The following NME9 variants were observed in gnomAD, a reference collection of about 807,000 sequenced individuals.
The protein encoded by NME9 is thioredoxin domain-containing protein 6.
A neutral mutation model predicts 44.4 loss-of-function variants in NME9; 48 were observed. The observed-to-expected ratio is 1.08, with a 90% CI of 0.86 to 1.37. The LOEUF (loss-of-function observed/expected upper bound fraction) is 1.37, where lower values mean the gene tolerates loss of function less well. Ranked by LOEUF, NME9 falls within the 40% of genes most tolerant of loss-of-function variation. NME9 has a pLI of 0.00. For missense variants in NME9, 325 were observed against 405.2 expected (o/e 0.80, Z 1.70); for synonymous variants, 139 against 147.1 (o/e 0.94, Z 0.40).
chr3:138,275,666 G>C (rs928838735), intron 8 of NME9, among the ~76,000 whole-genome samples: 1 of 152,158 alleles, frequency 6.6e-6, no homozygotes, highest in African/African-American at 2.4e-5. Context: ...TAACTTCAGG[G>C]GCTGTGCTTC....
chr3:138,323,373 A>G (rs1418773480), intron 2 of NME9, among the ~76,000 whole-genome samples: 1 of 152,192 alleles, frequency 6.6e-6, no homozygotes, highest in East Asian at 1.9e-4. Context: ...CCAAGATTGC[A>G]TCACTGCACT....
chr3:138,312,410 T>C (rs1363565873), intron 6 of NME9, among the ~76,000 whole-genome samples: 1 of 152,042 alleles, frequency 6.6e-6, no homozygotes, highest in Non-Finnish European at 1.5e-5. Context: ...AATACTAGCA[T>C]AAAAACAGAC....
intron 2 of NME9, 110 bp from the exon 3 acceptor site, chr3:138,319,691 G>C: frequency 1.5e-6 from 1 of 661,592 alleles, no homozygotes; most frequent in Non-Finnish European, 2.8e-6. Flanking sequence ...TTCATTTGCC[G>C]GGATATCTAA....
rs2052235319 is a variant in NME9, at chr3:138,306,080, A to C, written c.560T>G (p.Phe187Cys). 1.2e-6 allele frequency: 2 copies of C among 1,611,356 alleles called. No homozygotes were observed. Among genetic ancestry groups the C allele is most frequent in the African/African-American group, 2.7e-5 (2 of 74,876 alleles). ...TCTCTCTTCATTTGTTAGAATTTCA[A>C]ACCCAGCTTCCTGAATCTGTAGAAT... ...EIIMKIQEAG[F>C]EILTNEERTM... Residue 187 changes from phenylalanine to cysteine, a missense_variant, in exon 8 of 11, where the codon TTT becomes TGT. Physicochemically the swap from Phe to Cys is radical, Grantham distance 205. Transcript: ENST00000333911.
intron 8 of NME9, among the ~76,000 whole-genome samples, chr3:138,266,974 G>A (rs923562422): frequency 1.1e-4 from 17 of 152,170 alleles, no homozygotes; most frequent in South Asian, 6.2e-4. Context: ...GCGTTAGTCC[G>A]TCATAATTAT....
intron 8 of NME9, chr3:138,290,395 G>GGGTCCA: frequency 1.7e-6 from 1 of 602,092 alleles, no homozygotes; most frequent in Non-Finnish European, 2.9e-6. Context: ...AAGCATGAGC[G>GGGTCCA]GGTCCAACTA....
intron 8 of NME9, chr3:138,270,156 C>T (rs1415695324): frequency 4.1e-6 from 6 of 1,474,358 alleles, no homozygotes; most frequent in South Asian, 1.1e-5. Flanking sequence ...TTATATATAT[C>T]ATAACTTACA....
At chr3:138,301,738 A>G in intron 10 of NME9, 34 bp from the exon 11 acceptor site, 1 of 1,496,572 alleles carries the variant, frequency 6.7e-7, no homozygotes, top group Non-Finnish European at 9.0e-7. Context: ...AGGACTCCTG[A>G]AACAGCCCTG....
At chr3:138,274,614 T>G (rs1365159107) in intron 8 of NME9, 1 of 1,152,060 alleles carries the variant, frequency 8.7e-7, no homozygotes, top group African/African-American at 1.5e-5. Flanking sequence ...AAGAGTCTCC[T>G]GAAATATTCA....
intron 8 of NME9, among the ~76,000 whole-genome samples, chr3:138,295,080 G>A (rs1202486528): frequency 6.6e-6 from 1 of 151,954 alleles, no homozygotes; most frequent in East Asian, 1.9e-4. Context: ...TGTATTTTTG[G>A]TAGAAACAGG....
At chr3:138,263,400 C>T (rs1213079680) in intron 8 of NME9, 1 of 249,142 alleles carries the variant, frequency 4.0e-6, no homozygotes, top group Non-Finnish European at 7.9e-6. Context: ...GGAACCTGCC[C>T]AATGAGAGTT....
rs1454919536 is a variant in NME9, at chr3:138,329,655, C to G, written c.-320G>C. ...CGCGCAGAGGCCGGAGTCAGTGCGC[C>G]GGGCGCGGTGCAGCCTGTCGGGCAC... On this transcript the variant is annotated 5_prime_UTR_variant, in exon 1 of 11. Coordinates refer to ENST00000333911, the MANE Select transcript of NME9 (RefSeq NM_001349018.2). 2 of 1,194,388 alleles carry G rather than the reference C, an allele frequency of 1.7e-6. No individual in the cohort carries two copies. The highest frequency in any genetic ancestry group is 2.1e-6 in the Non-Finnish European group (2 of 960,404). The allele number at this position is 1,194,388 out of a possible 1,614,324, so 74.0% of individuals were successfully genotyped here.
intron 8 of NME9, among the ~76,000 whole-genome samples, chr3:138,282,777 A>T (rs185133699): frequency 1.3e-5 from 2 of 152,228 alleles, no homozygotes; most frequent in Admixed American, 1.3e-4. Context: ...TAAAACATTG[A>T]CTGTCAACTC....
downstream of NME9, chr3:138,296,046 C>A: frequency 3.4e-6 from 2 of 596,580 alleles, no homozygotes; most frequent in Non-Finnish European, 2.7e-6. Flanking sequence ...ATCTCAAATT[C>A]ATCTTGAGAA....
Position 138,315,652 on chromosome 3 carries a change from CG to C in NME9, c.268-10del. 1.3e-6 allele frequency: 2 copies of C among 1,520,082 alleles called. No homozygotes were observed. The highest frequency in any genetic ancestry group is 1.8e-6 in the Non-Finnish European group (2 of 1,131,956). 94.2% of individuals were successfully genotyped at this position (1,520,082 alleles called of 1,614,324 possible). ...GCCACCAGTTCTCCTCCCTAGAATA[CG>C]TTACAAACAGCATGAAATACTCTTG... On this transcript the variant is annotated splice_polypyrimidine_tract_variant and intron_variant, in intron 4 of 10. Coordinates refer to ENST00000333911, the MANE Select transcript of NME9 (RefSeq NM_001349018.2).
intron 1 of NME9, among the ~76,000 whole-genome samples, chr3:138,326,582 C>T (rs936070224): frequency 2.6e-5 from 4 of 151,776 alleles, no homozygotes; most frequent in South Asian, 2.1e-4. Flanking sequence ...TACAAGTGCC[C>T]GCTACCACAC....
downstream of NME9, among the ~76,000 whole-genome samples, chr3:138,299,825 G>A (rs1338132218): frequency 6.6e-6 from 1 of 152,162 alleles, no homozygotes; most frequent in African/African-American, 2.4e-5. Context: ...GCTTTGGGAG[G>A]TCCTGGTGGC....
rs767224092 is a variant in NME9 at position 138,274,548 on chromosome 3, C to T, written c.746-11962G>A. 29 of 1,599,428 alleles carry T rather than the reference C, an allele frequency of 1.8e-5. No homozygotes were observed. In the East Asian group the frequency reaches 2.2e-4, roughly 12 times the overall value. On this transcript the variant is annotated intron_variant, in intron 8 of 8. Coordinates refer to the NME9 transcript ENST00000317876. The stretch of plus-strand genomic sequence containing the variant: ...TAACATTGAGGTCAAAGAGCAGGTA[C>T]GTTGTTCCTTTCTCTTGGGGAATAT...
intron 8 of NME9, among the ~76,000 whole-genome samples, chr3:138,282,635 CAAAAA>C (rs760470914): frequency 4.2e-5 from 2 of 47,508 alleles, no homozygotes; most frequent in Non-Finnish European, 9.3e-5. Context: ...GACTCCATCT[CAAAAA>C]AAAAAAAAAA....
Sources: allele counts gnomAD v4.1 joint callset (sites outside exome capture counted in the v4.1 genomes callset), GRCh38; gene constraint gnomAD v4.1.1; transcripts MANE v1.5; gene names NCBI Gene and HGNC (gene_info 2026-07-23, HGNC 2026-07-21).